FRYL: variants seen among roughly 807,000 people sequenced by gnomAD.
The protein encoded by FRYL is protein furry homolog-like.
A neutral mutation model predicts 351.2 loss-of-function variants in FRYL; 150 were observed. That is an observed-to-expected ratio of 0.43 (90% CI 0.37 to 0.49). The LOEUF is 0.49. FRYL is among the 20% of genes least tolerant of loss of function. The pLI, the probability that FRYL is intolerant of heterozygous loss-of-function variation, is 0.00. For synonymous variants in FRYL, 1,153 were observed against 1,257.1 expected (o/e 0.92, Z 1.75); for missense variants, 3,036 against 3,619.3 (o/e 0.84, Z 4.13).
chr4:48,544,579 G>A (rs1015214711), intron 43 of FRYL, among the ~76,000 whole-genome samples: 1 of 151,938 alleles, frequency 6.6e-6, no homozygotes, highest in African/African-American at 2.4e-5. Flanking sequence ...AAACTAAGGA[G>A]CCTAGCATTT....
intron 1 of FRYL, among the ~76,000 whole-genome samples, chr4:48,761,488 T>C (rs534404986): frequency 1.1e-4 from 17 of 152,162 alleles, no homozygotes; most frequent in Non-Finnish European, 1.0e-4. Flanking sequence ...CTGCCAGTCA[T>C]ATAAAAGTGT....
Position 48,576,189 on chromosome 4 carries a change from G to T in FRYL, c.2562C>A (p.Thr854=). Residue 854 remains threonine (T), a synonymous_variant, in exon 24 of 64, where the codon ACC becomes ACA. Coordinates refer to ENST00000358350, the MANE Select transcript of FRYL (RefSeq NM_015030.2). ...GGCCAATGTATGAGTCACTGCTTGT[G>T]GTGGTATTTACTTTCTTAGCATTGA... The part of the protein sequence containing the change: ...SPINAKKVNT[T]TSSDSYIGLW... The T allele has an allele frequency of 6.2e-7, 1 of 1,610,624 alleles. No individual in the cohort carries two copies. Among genetic ancestry groups the T allele is most frequent in the Non-Finnish European group, 8.5e-7 (1 of 1,178,736 alleles).
In FRYL at chr4:48,634,499, A is replaced by G. The variant is rs1338147894; in HGVS notation, c.-80-9T>C. The G allele has an allele frequency of 6.3e-7, 1 of 1,598,718 alleles. No individual in the cohort carries two copies. The highest frequency in any genetic ancestry group is 1.1e-5 in the South Asian group (1 of 89,766). ...GCTGACTGGCGCTGAAGCTAAAAGT[A>G]AAAGAAACAAAAGAACTCTACTTTA... On this transcript the variant is annotated splice_polypyrimidine_tract_variant and intron_variant, in intron 3 of 63. Coordinates refer to ENST00000358350, the MANE Select transcript of FRYL (RefSeq NM_015030.2).
intron 22 of FRYL, 30 bp from the exon 23 acceptor site, chr4:48,579,271 C>A (rs755438026): frequency 1.9e-6 from 3 of 1,539,476 alleles, no homozygotes; most frequent in Admixed American, 2.1e-5. Context: ...TTGATTATTA[C>A]ACATTTCAAT....
At chr4:48,642,738 T>G (rs1236657329) in intron 3 of FRYL, among the ~76,000 whole-genome samples, 1 of 152,142 alleles carries the variant, frequency 6.6e-6, no homozygotes, top group East Asian at 1.9e-4. Flanking sequence ...CACTCAGCTA[T>G]AGTTTCCTTG....
chr4:48,659,918 GAGAAGAAGA>G (rs1249228163), intron 3 of FRYL, among the ~76,000 whole-genome samples: 2 of 786 alleles, frequency 2.5e-3, no homozygotes, highest in African/African-American at 4.1e-3. Flanking sequence ...GAAGGAGAAG[GAGAAGAAGA>G]AGAAGAAGAA....
chr4:48,546,067 C>A lies in FRYL; in HGVS notation c.5279G>T (p.Arg1760Ile), dbSNP rs755001335. 6.2e-7 allele frequency: 1 copy of A among 1,611,922 alleles called. No homozygotes were observed. The change falls in exon 42 of 64, where the codon AGA becomes ATA. Residue 1760 changes from arginine (R) to isoleucine (I), a missense_variant and splice_region_variant. Coordinates refer to ENST00000358350, the MANE Select transcript of FRYL (RefSeq NM_015030.2). ...GGATGATAAGAGCTGCCAGTGTTAC[C>A]TTGAGGTAATGAATTCCATGAGGGT... ...VKTLMEFITS[R>I]KRGPLWNHED...
intron 33 of FRYL, among the ~76,000 whole-genome samples, chr4:48,561,073 G>A (rs181658442): frequency 5.1e-4 from 77 of 152,240 alleles, no homozygotes; most frequent in African/African-American, 1.8e-3. Flanking sequence ...TTTCGCTCAC[G>A]GAAAACTGCC....
chr4:48,582,408 G>A (rs1741139425), intron 20 of FRYL, 89 bp downstream of exon 20: 6 of 802,504 alleles, frequency 7.5e-6, no homozygotes, highest in Non-Finnish European at 1.2e-5. Context: ...AATACTTTTA[G>A]TGTTTGATAA....
Position 48,549,445 on chromosome 4 carries a change from AT to A in FRYL, c.4784+27del. 6.3e-7 allele frequency: 1 copy of A among 1,581,714 alleles called. No individual in the cohort carries two copies. Reference sequence around the variant, plus strand: ...AGTGTTCAGCAGCAACTTGGTGCATATGTAAAAGGAATGACGCTGTAGTCCA... The same window carrying A: ...AGTGTTCAGCAGCAACTTGGTGCATAGTAAAAGGAATGACGCTGTAGTCCA... On this transcript the variant is annotated intron_variant, in intron 39 of 63. Transcript: ENST00000358350. The surrounding 1 kb of genome is among the most constrained non-coding windows in gnomAD (Gnocchi z 4.2).
chr4:48,540,128 A>C, intron 46 of FRYL, 60 bp from the exon 47 acceptor site: 1 of 1,367,624 alleles, frequency 7.3e-7, no homozygotes, highest in Non-Finnish European at 1.0e-6. Flanking sequence ...TTTAAAAGTT[A>C]AAGTTATTTT....
chr4:48,508,435 T>C (rs1326647296), intron 59 of FRYL, among the ~76,000 whole-genome samples: 2 of 152,238 alleles, frequency 1.3e-5, no homozygotes, highest in East Asian at 3.8e-4. Flanking sequence ...TTTCTCAATA[T>C]TTGCAGTTTT....
chr4:48,680,684 C>A (rs1004847590), intron 3 of FRYL, among the ~76,000 whole-genome samples: 2 of 151,942 alleles, frequency 1.3e-5, no homozygotes, highest in Non-Finnish European at 2.9e-5. Context: ...AAAATATTTT[C>A]CAAAGATCAA....
chr4:48,565,000 A>G lies in FRYL; in HGVS notation c.3374T>C (p.Val1125Ala). Residue 1125 changes from valine (V) to alanine (A), a missense_variant, in exon 30 of 64, where the codon GTA becomes GCA. Val to Ala is a moderately conservative substitution (Grantham distance 64). Around this residue, in one of 7 missense-constraint regions of FRYL, gnomAD observed 1,987 missense variants for 2,311.7 expected, o/e 0.86. Coordinates refer to ENST00000358350, the MANE Select transcript of FRYL (RefSeq NM_015030.2). ...VLCCGPVADN[V>A]GLSSDGYLYK... Reference sequence around the variant, plus strand: ...CAAATAGCCATCTGATGAAAGTCCTACATTATCTGCAACAGGGCCACAACA... The same window carrying G: ...CAAATAGCCATCTGATGAAAGTCCTGCATTATCTGCAACAGGGCCACAACA... 6.2e-7 allele frequency: 1 copy of G among 1,610,180 alleles called. No individual in the cohort carries two copies. Among genetic ancestry groups the G allele is most frequent in the Non-Finnish European group, 8.5e-7 (1 of 1,177,172 alleles).
chr4:48,734,224 C>CA (rs1771038934), intron 1 of FRYL, among the ~76,000 whole-genome samples: 1 of 152,146 alleles, frequency 6.6e-6, no homozygotes, highest in African/African-American at 2.4e-5. Flanking sequence ...AAAGAGATGT[C>CA]ATGCTAACAC....
chr4:48,604,486 A>G (rs548955290), intron 11 of FRYL, among the ~76,000 whole-genome samples: 1 of 152,316 alleles, frequency 6.6e-6, no homozygotes, highest in African/African-American at 2.4e-5. Context: ...CCTTTTAAAA[A>G]GGGGAAATTT....
chr4:48,627,183 C>G (rs769031783), intron 4 of FRYL, among the ~76,000 whole-genome samples: 3 of 152,044 alleles, frequency 2.0e-5, no homozygotes, highest in Non-Finnish European at 4.4e-5. Context: ...ATTGAAAAAT[C>G]TTAGCTTTTT....
At position 48,564,919 on chromosome 4, in the gene FRYL, A is replaced by G. The variant is rs757290382; in HGVS notation, c.3441+14T>C. On this transcript the variant is annotated intron_variant, in intron 30 of 63. Coordinates refer to ENST00000358350, the MANE Select transcript of FRYL (RefSeq NM_015030.2). ...CAACTTATTATGAACCTTTAAGGAA[A>G]TTGTCATAATTACCTTTTTGTCCAG... 7.3e-7 allele frequency: 1 copy of G among 1,362,584 alleles called. No homozygotes were observed. Among genetic ancestry groups the G allele is most frequent in the East Asian group, 2.3e-5 (1 of 43,446 alleles). The allele number at this position is 1,362,584 out of a possible 1,614,324, so 84.4% of individuals were successfully genotyped here. A position where few individuals can be genotyped will look rare whatever the true frequency, so the allele number is the denominator to read the frequency against.
chr4:48,592,244 G>A (rs1455956066), intron 16 of FRYL, among the ~76,000 whole-genome samples: 4 of 151,508 alleles, frequency 2.6e-5, no homozygotes, highest in Admixed American at 1.3e-4. Flanking sequence ...CTTGAAAGAC[G>A]CAGAAAAGCT....
Sources: gnomAD v4.1 joint callset for allele counts (sites outside exome capture counted in the v4.1 genomes callset) on GRCh38, gnomAD v4.1.1 for gene constraint, gnomAD v4.1.1 regional missense constraint, Gnocchi (gnomAD v3.1) non-coding constraint, MANE v1.5 for transcripts, NCBI Gene and HGNC (gene_info 2026-07-23, HGNC 2026-07-21) for gene names.